The following CDH12 variants were observed in gnomAD, a reference collection of about 807,000 sequenced individuals.
The protein encoded by CDH12 is cadherin-12.
CDH12 carries 41 observed loss-of-function variants against 74.1 expected under a neutral mutation model. The observed-to-expected ratio is 0.55, with a 90% confidence interval of 0.43 to 0.72. The LOEUF (loss-of-function observed/expected upper bound fraction) is 0.72, where lower values mean the gene tolerates loss of function less well. CDH12 is among the 30% of genes least tolerant of loss of function. The pLI, the probability that CDH12 is intolerant of heterozygous loss-of-function variation, is 0.00. For synonymous variants in CDH12, 399 were observed against 355.0 expected (o/e 1.12, Z -1.39); for missense variants, 945 against 977.2 (o/e 0.97, Z 0.44).
At chr5:22,065,403 G>A (rs1741483052) in intron 5 of CDH12, among the ~76,000 whole-genome samples, 1 of 152,158 alleles carries the variant, frequency 6.6e-6, no homozygotes, top group African/African-American at 2.4e-5. Context: ...AATAAGCAGA[G>A]ACTCTGCATT....
At chr5:22,656,955 G>A (rs904060753) in intron 1 of CDH12, among the ~76,000 whole-genome samples, 13 of 152,032 alleles carry the variant, frequency 8.6e-5, no homozygotes, top group Non-Finnish European at 1.5e-4. Flanking sequence ...TCCTGCCTCA[G>A]CCTCCTGAGT....
At chr5:21,756,515 C>A (rs958786341) in intron 13 of CDH12, among the ~76,000 whole-genome samples, 1 of 152,194 alleles carries the variant, frequency 6.6e-6, no homozygotes, top group Non-Finnish European at 1.5e-5. Flanking sequence ...ATAATGTTTA[C>A]TTGCAATAAT....
intron 1 of CDH12, among the ~76,000 whole-genome samples, chr5:22,750,261 G>A (rs1434425616): frequency 6.6e-6 from 1 of 152,062 alleles, no homozygotes; most frequent in African/African-American, 2.4e-5. Flanking sequence ...ACACTAAAAA[G>A]GAAAACTGGG....
chr5:22,761,246 T>C (rs1746211872), intron 1 of CDH12, among the ~76,000 whole-genome samples: 1 of 152,236 alleles, frequency 6.6e-6, no homozygotes, highest in African/African-American at 2.4e-5. Flanking sequence ...AGAAGTATTC[T>C]GTTTCATGAT....
intron 4 of CDH12, among the ~76,000 whole-genome samples, chr5:22,205,336 T>C (rs1751161224): frequency 6.6e-6 from 1 of 152,004 alleles, no homozygotes; most frequent in Admixed American, 6.6e-5. Flanking sequence ...ATTCTAATAA[T>C]GGGGAGAGGG....
At chr5:21,942,334 G>GTATA (rs761850084) in intron 6 of CDH12, among the ~76,000 whole-genome samples, 7,055 of 106,616 alleles carry the variant, frequency 0.066, 273 homozygotes, top group African/African-American at 0.11. Context: ...GACAAATACA[G>GTATA]TATATATATA....
At chr5:22,429,595 T>C (rs1744082847) in intron 2 of CDH12, among the ~76,000 whole-genome samples, 2 of 152,210 alleles carry the variant, frequency 1.3e-5, no homozygotes, top group African/African-American at 4.8e-5. Flanking sequence ...ATTTCCATGG[T>C]AGCACTGTAT....
Position 22,498,217 on chromosome 5 carries a change from G to A in CDH12, c.-428+7053C>T, listed in dbSNP as rs182050511. Among the ~76,000 whole-genome samples, 44 of 151,966 alleles carry A rather than the reference G, an allele frequency of 2.9e-4. No homozygotes were observed. The East Asian group carries it at 3.1e-3, about 11-fold the overall frequency. ...CTCTGTACAACACAGAAACTTCCTGGCACTCTTCCCAGCTAATTTTCTGCA... is the reference window on the plus strand; with the variant it reads ...CTCTGTACAACACAGAAACTTCCTGACACTCTTCCCAGCTAATTTTCTGCA... On this transcript the variant is annotated intron_variant, in intron 2 of 14. Transcript: ENST00000382254.
intron 1 of CDH12, among the ~76,000 whole-genome samples, chr5:22,837,318 G>A (rs577000411): frequency 3.3e-5 from 5 of 152,112 alleles, no homozygotes; most frequent in Non-Finnish European, 7.3e-5. Flanking sequence ...TGAGGCAGGA[G>A]GATTGCTTGA....
In CDH12 at chr5:22,484,134, A is replaced by G. The variant is rs954999877; in HGVS notation, c.-428+21136T>C. On this transcript the variant is annotated intron_variant, in intron 2 of 14. Coordinates refer to ENST00000382254, the MANE Select transcript of CDH12 (RefSeq NM_004061.5). Reference sequence around the variant, plus strand: ...GGATGCTAGGTTACAAGTGATATTGATTATCTTCTTTTTCTCCTCCAGAAA... The same window carrying G: ...GGATGCTAGGTTACAAGTGATATTGGTTATCTTCTTTTTCTCCTCCAGAAA... Among the ~76,000 whole-genome samples, 70 of 152,072 alleles carry G rather than the reference A, an allele frequency of 4.6e-4. 1 individual carries two copies. Among genetic ancestry groups the G allele is most frequent in the Non-Finnish European group, 3.1e-4 (21 of 68,002 alleles).
At chr5:21,855,727 C>G (rs569318780) in intron 6 of CDH12, among the ~76,000 whole-genome samples, 32 of 151,672 alleles carry the variant, frequency 2.1e-4, no homozygotes, top group Middle Eastern at 6.8e-3. Flanking sequence ...CTGCTGGAGG[C>G]ACTCAAAGTA....
intron 1 of CDH12, among the ~76,000 whole-genome samples, chr5:22,831,433 T>C (rs1736607377): frequency 6.7e-6 from 1 of 148,968 alleles, no homozygotes; most frequent in Non-Finnish European, 1.5e-5. Context: ...AGACAGAGCA[T>C]GGTGAGTGTT....
At chr5:22,425,154 T>TATATATATATAA (rs1743855836) in intron 2 of CDH12, among the ~76,000 whole-genome samples, 2 of 65,178 alleles carry the variant, frequency 3.1e-5, no homozygotes, top group Non-Finnish European at 5.4e-5. Flanking sequence ...TGTGTGTGTG[T>TATATATATATAA]ATATATATAT....
intron 4 of CDH12, among the ~76,000 whole-genome samples, chr5:22,175,379 T>A (rs1034201675): frequency 6.6e-6 from 1 of 151,860 alleles, no homozygotes; most frequent in African/African-American, 2.4e-5. Flanking sequence ...TCTGTGTCTA[T>A]CAGGTTATTC....
chr5:22,727,281 T>C (rs1028953830), intron 1 of CDH12, among the ~76,000 whole-genome samples: 4 of 151,820 alleles, frequency 2.6e-5, no homozygotes, highest in Admixed American at 6.6e-5. Context: ...TCTTACATAT[T>C]TGACTGTTAA....
rs76411999 is a variant in CDH12 at position 22,237,229 on chromosome 5, G to T, written c.-332-24586C>A. Among the ~76,000 whole-genome samples, 937 of 152,088 alleles carry T rather than the reference G, an allele frequency of 6.2e-3. 6 individuals carry two copies. The highest frequency in any genetic ancestry group is 0.021 in the African/African-American group (881 of 41,472). On this transcript the variant is annotated intron_variant, in intron 3 of 14. Transcript: ENST00000382254. ...TTTGTGGGACCACTGATGTCGATGT[G>T]GTCTGTCATTAACTGCAATGTTGTT...
chr5:21,974,818 A>G (rs1316242277), intron 6 of CDH12, among the ~76,000 whole-genome samples: 1 of 152,206 alleles, frequency 6.6e-6, no homozygotes, highest in Non-Finnish European at 1.5e-5. Flanking sequence ...AATACAAAAT[A>G]CATTTTTTGC....
intron 6 of CDH12, among the ~76,000 whole-genome samples, chr5:21,893,894 A>G (rs1753002842): frequency 6.6e-6 from 1 of 152,150 alleles, no homozygotes. Context: ...CCAAGGAATA[A>G]AGTTCTTTAC....
intron 1 of CDH12, among the ~76,000 whole-genome samples, chr5:22,635,914 AAAAAT>A (rs894200533): frequency 7.9e-5 from 12 of 152,114 alleles, no homozygotes; most frequent in African/African-American, 2.9e-4. Flanking sequence ...CTCCATCTCA[AAAAAT>A]AAAATAAAAT....
Sources: gnomAD v4.1 joint callset for allele counts (sites outside exome capture counted in the v4.1 genomes callset) on GRCh38, gnomAD v4.1.1 for gene constraint, MANE v1.5 for transcripts, NCBI Gene and HGNC (gene_info 2026-07-23, HGNC 2026-07-21) for gene names.